The following TSPAN16 variants were observed in gnomAD, a reference collection of about 807,000 sequenced individuals.
TSPAN16 encodes the protein tetraspanin 16.
TSPAN16 carries 23 observed loss-of-function variants against 25.2 expected under a neutral mutation model. That is an observed-to-expected ratio of 0.91 (90% confidence interval 0.66 to 1.29). TSPAN16 has a LOEUF of 1.29. Ranked by LOEUF, TSPAN16 falls within the 50% of genes most tolerant of loss-of-function variation. The pLI, the probability that TSPAN16 is intolerant of heterozygous loss-of-function variation, is 0.00. For synonymous variants in TSPAN16, 123 were observed against 124.4 expected, an observed-to-expected ratio of 0.99 and a Z score of 0.08; for missense variants, 272 against 299.9, an observed-to-expected ratio of 0.91 and a Z score of 0.69.
chr19:11,299,941 C>T (rs1448539077), intron 3 of TSPAN16, among the ~76,000 whole-genome samples: 2 of 147,742 alleles, frequency 1.4e-5, no homozygotes, highest in Admixed American at 6.8e-5. Flanking sequence ...TGTGCCATTG[C>T]ACTCCAGCCT....
intron 4 of TSPAN16, among the ~76,000 whole-genome samples, chr19:11,303,567 ATAAATAAATT>A (rs1468081539): frequency 1.2e-4 from 15 of 125,448 alleles, no homozygotes; most frequent in African/African-American, 4.6e-4. Flanking sequence ...AAATAAATAA[ATAAATAAATT>A]AAAAAAAAAA....
At chr19:11,301,378 A>C in intron 4 of TSPAN16, 70 bp downstream of exon 4, 1 of 1,197,826 alleles carries the variant, frequency 8.3e-7, no homozygotes, top group Non-Finnish European at 1.2e-6. Flanking sequence ...AGTGGCTCAC[A>C]CCTGTAATCC....
At chr19:11,317,204 C>T (rs186704600), downstream of TSPAN16, among the ~76,000 whole-genome samples, 1 of 152,314 alleles carries the variant, frequency 6.6e-6, no homozygotes, top group African/African-American at 2.4e-5. Flanking sequence ...ACATCTCTAA[C>T]GATATGTTCA....
downstream of TSPAN16, among the ~76,000 whole-genome samples, chr19:11,318,754 C>A (rs906114360): frequency 2.0e-5 from 3 of 151,956 alleles, no homozygotes; most frequent in Non-Finnish European, 2.9e-5. Flanking sequence ...TCAAGCGATT[C>A]TTCTGCCTCA....
intron 4 of TSPAN16, 24 bp from the exon 5 acceptor site, chr19:11,306,579 CA>C: frequency 6.2e-7 from 1 of 1,612,254 alleles, no homozygotes; most frequent in South Asian, 1.1e-5. Flanking sequence ...AGGGACTCTC[CA>C]AGTATTTCTT....
chr19:11,298,435 ATT>A (rs34774674), intron 2 of TSPAN16, 96 bp downstream of exon 2: 271,678 of 934,506 alleles, frequency 0.29, 21,850 homozygotes, highest in African/African-American at 0.61. Context: ...GGTGTCACCT[ATT>A]TTTTTTTTTT....
At chr19:11,314,947 G>A (rs1037968570) in intron 6 of TSPAN16, among the ~76,000 whole-genome samples, 7 of 152,042 alleles carry the variant, frequency 4.6e-5, no homozygotes, top group African/African-American at 1.7e-4. Flanking sequence ...CCGAAGTGGA[G>A]AGGATGGGCC....
intron 4 of TSPAN16, among the ~76,000 whole-genome samples, chr19:11,302,009 A>T (rs1043372441): frequency 1.3e-5 from 2 of 151,926 alleles, no homozygotes; most frequent in African/African-American, 4.8e-5. Context: ...TTTTTAGTAG[A>T]GACGGGGTTT....
intron 3 of TSPAN16, among the ~76,000 whole-genome samples, 200 bp downstream of exon 3, chr19:11,299,146 T>C (rs10426446): frequency 0.047 from 7,161 of 151,962 alleles, 574 homozygotes; most frequent in African/African-American, 0.16. Flanking sequence ...CCAGGCGTGA[T>C]AGCACGCACT....
intron 4 of TSPAN16, 144 bp downstream of exon 4, chr19:11,301,452 C>A: frequency 1.7e-6 from 1 of 574,510 alleles, no homozygotes; most frequent in Non-Finnish European, 3.1e-6. Context: ...CCAGCTGAGC[C>A]AACATGGTGA....
intron 4 of TSPAN16, among the ~76,000 whole-genome samples, chr19:11,304,603 C>A (rs10410946): frequency 0.035 from 5,361 of 151,568 alleles, 516 homozygotes; most frequent in African/African-American, 0.13. Flanking sequence ...CGGCTCACTG[C>A]AAGTTCCGCC....
downstream of TSPAN16, among the ~76,000 whole-genome samples, chr19:11,320,824 A>C (rs1599352083): frequency 6.6e-6 from 1 of 152,286 alleles, no homozygotes; most frequent in East Asian, 1.9e-4. Context: ...TTGTTGTATT[A>C]GTCTGTTTTC....
intron 5 of TSPAN16, among the ~76,000 whole-genome samples, chr19:11,310,211 GA>G (rs1314001452): frequency 6.6e-6 from 1 of 152,076 alleles, no homozygotes; most frequent in Non-Finnish European, 1.5e-5. Flanking sequence ...CTAGAAGAGG[GA>G]GCTACTCTGG....
At chr19:11,325,837 G>A (rs1465882387) in intron 6 of TSPAN16, among the ~76,000 whole-genome samples, 1 of 152,178 alleles carries the variant, frequency 6.6e-6, no homozygotes, top group Non-Finnish European at 1.5e-5. Context: ...ACTAAAGGAA[G>A]CTACGGCGGG....
chr19:11,302,500 G>C (rs2080563093), intron 4 of TSPAN16, among the ~76,000 whole-genome samples: 1 of 119,500 alleles, frequency 8.4e-6, no homozygotes, highest in Non-Finnish European at 1.6e-5. Context: ...CTGCATTGCA[G>C]CCTGGGCAAC....
intron 6 of TSPAN16, 67 bp from the exon 7 acceptor site, chr19:11,315,724 C>G (rs117079886): frequency 2.5e-6 from 3 of 1,179,048 alleles, no homozygotes; most frequent in African/African-American, 3.2e-5. Context: ...GTCCCCGTAA[C>G]TCCAGTATGA....
At chr19:11,307,850 AC>A (rs1295924758) in intron 5 of TSPAN16, 4 of 152,330 alleles carry the variant, frequency 2.6e-5, no homozygotes, top group Middle Eastern at 3.4e-3. Flanking sequence ...ACTTACGGTT[AC>A]CTTCTCTCAG....
At position 11,298,960 on chromosome 19, in the gene TSPAN16, T is replaced by C; in HGVS notation, c.342+14T>C. On this transcript the variant is annotated intron_variant, in intron 3 of 6. Transcript: ENST00000590327. ...TTCTTTCCAATTGTAAGTACAGCCC[T>C]GCTCCTCCCACATAGCATTAGAAAG... is the stretch of plus-strand genomic sequence containing the variant. 6.2e-7 allele frequency: 1 copy of C among 1,612,268 alleles called. No homozygotes were observed. Among genetic ancestry groups the C allele is most frequent in the South Asian group, 1.1e-5 (1 of 91,050 alleles).
At chr19:11,321,991 T>C (rs1316540813) in intron 6 of TSPAN16, 2 of 152,234 alleles carry the variant, frequency 1.3e-5, no homozygotes, top group Non-Finnish European at 2.9e-5. Flanking sequence ...AGCCCTTGAC[T>C]GATATCTGCT....
Sources: gnomAD v4.1 joint callset for allele counts (sites outside exome capture counted in the v4.1 genomes callset) on GRCh38, gnomAD v4.1.1 for gene constraint, MANE v1.5 for transcripts, NCBI Gene and HGNC (gene_info 2026-07-23, HGNC 2026-07-21) for gene names.